Variants in SMTN observed in about 807,000 individuals in gnomAD.
SMTN encodes the protein smoothelin.
SMTN carries 58 observed loss-of-function variants against 102.0 expected under a neutral mutation model. That is an observed-to-expected ratio of 0.57 (90% CI 0.46 to 0.71). The LOEUF (loss-of-function observed/expected upper bound fraction) is 0.71, where lower values mean the gene tolerates loss of function less well. Ranked by LOEUF, SMTN falls within the 30% of genes least tolerant of loss-of-function variation. The pLI is 0.00. For missense variants in SMTN, 1,185 were observed against 1,241.7 expected (o/e 0.95, Z 0.69); for synonymous variants, 478 against 497.9 (o/e 0.96, Z 0.53).
intron 18 of SMTN, 34 bp downstream of exon 18, chr22:31,099,213 T>C (rs779579565): frequency 1.1e-5 from 16 of 1,415,576 alleles, no homozygotes; most frequent in Non-Finnish European, 1.5e-5. Context: ...CCTGGAGGCC[T>C]CCCCAGACCC....
intron 2 of SMTN, 108 bp downstream of exon 2, chr22:31,083,417 A>C: frequency 7.5e-7 from 1 of 1,328,732 alleles, no homozygotes; most frequent in Non-Finnish European, 1.0e-6. Context: ...GGGAAAGGTC[A>C]GGAGGAGGGG....
chr22:31,099,033 G>A, intron 17 of SMTN, 29 bp from the exon 18 acceptor site: 2 of 1,598,888 alleles, frequency 1.3e-6, no homozygotes, highest in Non-Finnish European at 8.5e-7. Flanking sequence ...TTATAGTCGT[G>A]TGACCTGGTC....
At chr22:31,090,780 G>A in intron 8 of SMTN, 28 bp from the exon 9 acceptor site, 3 of 1,571,348 alleles carry the variant, frequency 1.9e-6, no homozygotes, top group Non-Finnish European at 2.6e-6. Flanking sequence ...TTCCCCACAT[G>A]GCCATCACCC....
In SMTN at chr22:31,099,066, C is replaced by A. The variant is rs777581791; in HGVS notation, c.2338C>A (p.Pro780Thr). The A allele has an allele frequency of 6.2e-7, 1 of 1,611,472 alleles. No individual in the cohort carries two copies. The highest frequency in any genetic ancestry group is 1.7e-5 in the Admixed American group (1 of 60,024). ...GTCCTGACACCGCCCCTACAGCAGCCCTGGCGGACCCCGCGCAGCCGTGCA... is the reference window on the plus strand; with the variant it reads ...GTCCTGACACCGCCCCTACAGCAGCACTGGCGGACCCCGCGCAGCCGTGCA... The part of the protein sequence containing the change: ...KLEKEGAAGS[P>T]GGPRAAVQRS... Residue 780 changes from proline to threonine, a missense_variant, in exon 18 of 21, where the codon CCT becomes ACT. Transcript: ENST00000333137.
At chr22:31,093,527 G>A (rs763760960) in intron 11 of SMTN, 25 of 693,694 alleles carry the variant, frequency 3.6e-5, no homozygotes, top group Middle Eastern at 3.3e-4. Context: ...GAGGAGCTGC[G>A]GGCGGTGGCT....
At chr22:31,097,416 G>C (rs2043678267) in intron 16 of SMTN, 78 bp downstream of exon 16, 1 of 1,305,924 alleles carries the variant, frequency 7.7e-7, no homozygotes, top group Non-Finnish European at 1.1e-6. Flanking sequence ...GTTTTACAGA[G>C]GGGTGGGCTG....
chr22:31,096,796 G>A lies in SMTN; in HGVS notation c.1925G>A (p.Arg642His), dbSNP rs141334834. 1.0e-4 allele frequency: 158 copies of A among 1,567,280 alleles called. 1 individual carries two copies. The highest frequency in any genetic ancestry group is 6.7e-4 in the East Asian group (30 of 44,486). The change falls in exon 14 of 21, where the codon CGC becomes CAC. Residue 642 changes from arginine to histidine, a missense_variant. Physicochemically the swap from Arg to His is conservative, Grantham distance 29 (BLOSUM62 0). This residue lies in a region of SMTN where 1,096 missense variants were observed against 1,112.7 expected (regional missense o/e 0.98). Transcript: ENST00000333137. Reference sequence around the variant, plus strand: ...GCACGGGGCCGGCCAGGGGAGGGGCGCGGCAACACAGCCACTGAGACCACC... The same window carrying A: ...GCACGGGGCCGGCCAGGGGAGGGGCACGGCAACACAGCCACTGAGACCACC... ...QEARGRPGEGRGNTATETTTR... is the reference protein window; with the variant it reads ...QEARGRPGEGHGNTATETTTR...
In SMTN at chr22:31,084,912, C is replaced by T. The variant is rs2042562839; in HGVS notation, c.51+1603C>T. On this transcript the variant is annotated intron_variant, in intron 2 of 20. Transcript: ENST00000333137. ...GCCCCCGCTGGCCTCGTGGCAAGAA[C>T]GGGGGCGTCCCGAGCCGGGCTCCTC... 13 of 1,310,212 alleles carry T rather than the reference C, an allele frequency of 9.9e-6. No homozygotes were observed. In the South Asian group the frequency reaches 2.3e-4, roughly 23 times the overall value. The allele number at this position is 1,310,212 out of a possible 1,614,324, so 81.2% of individuals were successfully genotyped here. A position where few individuals can be genotyped will look rare whatever the true frequency, so the allele number is the denominator to read the frequency against.
Position 31,083,193 on chromosome 22 carries a change from G to C in SMTN, c.-66G>C. On this transcript the variant is annotated 5_prime_UTR_variant, in exon 2 of 21. Coordinates refer to ENST00000333137, the MANE Select transcript of SMTN (RefSeq NM_134269.3). ...GTCCCCTGCAGAATTCTCTGAGCTGGTGACAGGTGCCACAGGCACTGGGGA... is the reference window on the plus strand; with the variant it reads ...GTCCCCTGCAGAATTCTCTGAGCTGCTGACAGGTGCCACAGGCACTGGGGA... The C allele has an allele frequency of 6.3e-7, 1 of 1,576,934 alleles. No individual in the cohort carries two copies. The highest frequency in any genetic ancestry group is 8.6e-7 in the Non-Finnish European group (1 of 1,162,024).
rs750188775 is a variant in SMTN at position 31,099,860 on chromosome 22, G to A, written c.2567G>A (p.Arg856Gln). The change falls in exon 19 of 21, where the codon CGA becomes CAA. Residue 856 changes from arginine to glutamine, a missense_variant. This residue lies in a region of SMTN where 89 missense variants were observed against 128.9 expected (regional missense o/e 0.69). Coordinates refer to ENST00000333137, the MANE Select transcript of SMTN (RefSeq NM_134269.3). Reference protein sequence around the residue: ...FDYGQLSPQNRRQNFEVAFSS... With the variant: ...FDYGQLSPQNQRQNFEVAFSS... Reference sequence around the variant, plus strand: ...TATGGGCAGCTTAGCCCTCAGAACCGACGCCAGAACTTCGAGGTGGCCTTC... The same window carrying A: ...TATGGGCAGCTTAGCCCTCAGAACCAACGCCAGAACTTCGAGGTGGCCTTC... 1.7e-5 allele frequency: 27 copies of A among 1,613,926 alleles called. No homozygotes were observed. The East Asian group carries it at 2.7e-4, about 16-fold the overall frequency.
Position 31,087,700 on chromosome 22 carries a change from C to T in SMTN, c.52-265C>T, listed in dbSNP as rs200967216. Among the ~76,000 whole-genome samples the T allele has an allele frequency of 9.2e-5, 14 of 152,334 alleles. No homozygotes were observed. In the East Asian group the frequency reaches 1.2e-3, roughly 13 times the overall value. On this transcript the variant is annotated intron_variant, in intron 2 of 20. Coordinates refer to ENST00000333137, the MANE Select transcript of SMTN (RefSeq NM_134269.3). ...GTAGAAAGGAGTGCCTGGCTTGGCA[C>T]CTGGCACAAGTGGGCAGTTTCTGGC...
At chr22:31,084,683 C>T (rs1192628204) in intron 2 of SMTN, among the ~76,000 whole-genome samples, 2 of 152,246 alleles carry the variant, frequency 1.3e-5, no homozygotes, top group Non-Finnish European at 2.9e-5. Context: ...TCTTCAGCCG[C>T]CACCTCCCTC....
Position 31,095,903 on chromosome 22 carries a change from C to T in SMTN, c.1861+294C>T, listed in dbSNP as rs2043549204. 6.5e-6 allele frequency: 3 copies of T among 464,252 alleles called. No individual in the cohort carries two copies. The highest frequency in any genetic ancestry group is 1.2e-5 in the Non-Finnish European group (3 of 258,132). 28.8% of individuals were successfully genotyped at this position (464,252 alleles called of 1,614,324 possible). ...TCTCTCCTTGGATCCAGTTGCCTCT[C>T]AAAGTACTGTCAACGACTCCTTCCC... On this transcript the variant is annotated intron_variant, in intron 13 of 20. Coordinates refer to ENST00000333137, the MANE Select transcript of SMTN (RefSeq NM_134269.3). The surrounding 1 kb of genome is among the most constrained non-coding windows in gnomAD (Gnocchi z 4.1).
At chr22:31,091,525 C>T (rs375091747) in intron 10 of SMTN, 43 bp downstream of exon 10, 114 of 1,514,394 alleles carry the variant, frequency 7.5e-5, no homozygotes, top group Middle Eastern at 1.8e-4. Flanking sequence ...TGAGTGCCTG[C>T]AACCGCACTT....
intron 1 of SMTN, among the ~76,000 whole-genome samples, chr22:31,068,653 A>C (rs2041923047): frequency 6.6e-6 from 1 of 152,188 alleles, no homozygotes; most frequent in South Asian, 2.1e-4. Flanking sequence ...TTTGTTCCAC[A>C]CGTGTGTTGA....
At chr22:31,082,902 G>A in intron 1 of SMTN, 10 of 1,548,762 alleles carry the variant, frequency 6.5e-6, no homozygotes, top group Non-Finnish European at 7.9e-6. Context: ...TGCCCTCCCT[G>A]TTTTGAGGTT....
In SMTN at chr22:31,088,930, C is replaced by T; in HGVS notation, c.432C>T (p.Asp144=). ...SGRPNSGSRE[D]SKGLAAHRLE... ...GTCCCAACAGTGGCTCAAGAGAGGA[C>T]AGCAAGGGGCTAGCGGCACACAGGC... The change falls in exon 6 of 21, where the codon GAC becomes GAT. Residue 144 remains aspartate, a synonymous_variant. Transcript: ENST00000333137. 6.2e-7 allele frequency: 1 copy of T among 1,613,896 alleles called. No homozygotes were observed. Among genetic ancestry groups the T allele is most frequent in the Non-Finnish European group, 8.5e-7 (1 of 1,180,018 alleles).
In SMTN at chr22:31,096,666, C is replaced by T. The variant is rs192513616; in HGVS notation, c.1862-67C>T. On this transcript the variant is annotated intron_variant, in intron 13 of 20. Transcript: ENST00000333137. Reference sequence around the variant, plus strand: ...CACCCCGTCTTGTGTGCCCCATGCACCTGTGCATCTGTGCTGTGTGGGTGT... The same window carrying T: ...CACCCCGTCTTGTGTGCCCCATGCATCTGTGCATCTGTGCTGTGTGGGTGT... 9.2e-4 allele frequency: 1,354 copies of T among 1,472,000 alleles called. 5 individuals carry two copies. In the Middle Eastern group the frequency reaches 0.01, roughly 11 times the overall value. The allele number at this position is 1,472,000 out of a possible 1,614,324, so 91.2% of individuals were successfully genotyped here.
At chr22:31,093,003 T>A (rs898812739) in intron 11 of SMTN, among the ~76,000 whole-genome samples, 2 of 152,136 alleles carry the variant, frequency 1.3e-5, no homozygotes, top group Non-Finnish European at 2.9e-5. Context: ...GGGTAAAGGG[T>A]AAAGGAGTAC....
Sources: allele counts gnomAD v4.1 joint callset (sites outside exome capture counted in the v4.1 genomes callset), GRCh38; gene constraint gnomAD v4.1.1; regional missense constraint gnomAD v4.1.1; non-coding constraint Gnocchi (gnomAD v3.1); transcripts MANE v1.5; gene names NCBI Gene and HGNC (gene_info 2026-07-23, HGNC 2026-07-21).